The following UBA6 variants were observed in gnomAD, a reference collection of about 807,000 sequenced individuals.
UBA6 encodes ubiquitin-like modifier-activating enzyme 6.
A neutral mutation model predicts 148.3 loss-of-function variants in UBA6; 87 were observed. The observed-to-expected ratio is 0.59, with a 90% CI of 0.49 to 0.70. The LOEUF (loss-of-function observed/expected upper bound fraction) is 0.70, where lower values mean the gene tolerates loss of function less well. Ranked by LOEUF, UBA6 falls within the 30% of genes least tolerant of loss-of-function variation. UBA6 has a pLI of 0.00. For synonymous variants in UBA6, 376 were observed against 401.0 expected (o/e 0.94, Z 0.75); for missense variants, 1,186 against 1,241.2 (o/e 0.96, Z 0.67).
chr4:67,685,793 T>C (rs1376858742), intron 2 of UBA6, among the ~76,000 whole-genome samples: 3 of 152,266 alleles, frequency 2.0e-5, no homozygotes, highest in East Asian at 1.9e-4. Context: ...CCTCTCTTAC[T>C]CTTGCCCTTC....
intron 13 of UBA6, among the ~76,000 whole-genome samples, chr4:67,658,053 G>A (rs542557881): frequency 2.6e-5 from 4 of 152,292 alleles, no homozygotes; most frequent in East Asian, 3.9e-4. Flanking sequence ...AGATGCTGGA[G>A]AGGATGTGGA....
intron 13 of UBA6, among the ~76,000 whole-genome samples, chr4:67,657,729 G>A (rs1364642248): frequency 1.3e-5 from 2 of 149,318 alleles, no homozygotes; most frequent in South Asian, 2.1e-4. Context: ...TATCATCAGA[G>A]TGAACAGCAA....
At chr4:67,646,304 C>G (rs1346709789) in intron 15 of UBA6, among the ~76,000 whole-genome samples, 2 of 152,188 alleles carry the variant, frequency 1.3e-5, no homozygotes, top group East Asian at 1.9e-4. Flanking sequence ...TTAGAGGAAT[C>G]TACGGATGGG....
At position 67,662,192 on chromosome 4, in the gene UBA6, C is replaced by G. The variant is rs751324120; in HGVS notation, c.1101G>C (p.Glu367Asp). Residue 367 changes from glutamate (E) to aspartate (D), a missense_variant, in exon 13 of 33, where the codon GAG (glutamate) becomes GAC (aspartate). Physicochemically the swap from Glu to Asp is conservative, Grantham distance 45 (BLOSUM62 2). Coordinates refer to ENST00000322244, the MANE Select transcript of UBA6 (RefSeq NM_018227.6). ...AGCCATAAATTTCAATAGTCACCTT[C>G]TCTTCCAAGGTTTCACTTATAGATG... Reference protein sequence around the residue: ...LATSISETLEEKPDVNADIVH... With the variant: ...LATSISETLEDKPDVNADIVH... 3 of 1,613,546 alleles carry G rather than the reference C, an allele frequency of 1.9e-6. No homozygotes were observed. Among genetic ancestry groups the G allele is most frequent in the East Asian group, 4.5e-5 (2 of 44,770 alleles).
intron 5 of UBA6, 76 bp downstream of exon 5, chr4:67,678,362 TG>T: frequency 1.2e-6 from 1 of 804,714 alleles, no homozygotes; most frequent in Non-Finnish European, 1.9e-6. Flanking sequence ...TATGACTGAT[TG>T]GTGTTCTAGA....
rs1728592166 is a variant in UBA6 at position 67,614,614 on chromosome 4, C to A, written c.*4383G>T. The A allele has an allele frequency of 6.6e-6, 1 of 152,118 alleles. No individual in the cohort carries two copies. Among genetic ancestry groups the A allele is most frequent in the African/African-American group, 2.4e-5 (1 of 41,422 alleles). The allele number at this position is 152,118 out of a possible 1,614,324, so 9.4% of individuals were successfully genotyped here. ...TTAAATATGAAAGGCAAAACTAAAG[C>A]TTTAAGAAGACGATATATAAGACTA... On this transcript the variant is annotated 3_prime_UTR_variant, in exon 33 of 33. Coordinates refer to ENST00000322244, the MANE Select transcript of UBA6 (RefSeq NM_018227.6).
At chr4:67,675,051 G>A (rs1429115693) in intron 6 of UBA6, among the ~76,000 whole-genome samples, 1 of 152,132 alleles carries the variant, frequency 6.6e-6, no homozygotes, top group African/African-American at 2.4e-5. Context: ...TGTATTTTTA[G>A]TAGAGACGGG....
rs1468164636 is a variant in UBA6, at chr4:67,626,397, T to C, written c.2481A>G (p.Gln827=). The C allele has an allele frequency of 1.2e-6, 2 of 1,611,344 alleles. No individual in the cohort carries two copies. Among genetic ancestry groups the C allele is most frequent in the African/African-American group, 1.3e-5 (1 of 74,948 alleles). ...CATTAGATAAAATAGCCTTTTCTAG[T>C]TGGAAAATTGCATTCCTCTCATCTT... ...SSEDERNAIF[Q]LEKAILSNEA... Residue 827 remains glutamine, a synonymous_variant, in exon 28 of 33, where the codon CAA becomes CAG. Transcript: ENST00000322244.
chr4:67,628,422 T>C (rs980456042), intron 27 of UBA6, among the ~76,000 whole-genome samples: 1 of 151,900 alleles, frequency 6.6e-6, no homozygotes, highest in African/African-American at 2.4e-5. Flanking sequence ...GCTGCCTACA[T>C]TGCTCTTTCA....
rs200051273 is a variant in UBA6, at chr4:67,687,041, T to TG, written c.135-4829_135-4828insC. Among the ~76,000 whole-genome samples the TG allele has an allele frequency of 6.2e-3, 901 of 145,292 alleles. 21 individuals are homozygous for TG. Among genetic ancestry groups the TG allele is most frequent in the African/African-American group, 0.022 (864 of 39,294 alleles). On this transcript the variant is annotated intron_variant, in intron 2 of 32. Coordinates refer to ENST00000322244, the MANE Select transcript of UBA6 (RefSeq NM_018227.6). Reference sequence around the variant, plus strand: ...TAAAATCTTTAAGACTATGTTTTTTTTTTTTTTTTTTTGAGACAGAGTCTC... The same window carrying TG: ...TAAAATCTTTAAGACTATGTTTTTTTGTTTTTTTTTTTTGAGACAGAGTCTC...
At chr4:67,677,335 G>T (rs748789433) in intron 6 of UBA6, among the ~76,000 whole-genome samples, 1 of 152,186 alleles carries the variant, frequency 6.6e-6, no homozygotes, top group Non-Finnish European at 1.5e-5. Flanking sequence ...ACACAGGAAA[G>T]AAATAAATGC....
At chr4:67,675,013 GCACATGC>G (rs1039753580) in intron 6 of UBA6, among the ~76,000 whole-genome samples, 1 of 152,200 alleles carries the variant, frequency 6.6e-6, no homozygotes, top group Non-Finnish European at 1.5e-5. Context: ...GGGATTACAG[GCACATGC>G]CACCATGCCC....
At chr4:67,620,429 GTTA>G (rs1014656105) in intron 32 of UBA6, among the ~76,000 whole-genome samples, 1 of 152,150 alleles carries the variant, frequency 6.6e-6, no homozygotes, top group African/African-American at 2.4e-5. Context: ...CATTATCACA[GTTA>G]TTCAATTATA....
At chr4:67,672,262 CTG>C (rs774968350) in intron 7 of UBA6, among the ~76,000 whole-genome samples, 1 of 152,156 alleles carries the variant, frequency 6.6e-6, no homozygotes, top group Non-Finnish European at 1.5e-5. Flanking sequence ...GAAATTAAAA[CTG>C]AGAGAAATTT....
intron 6 of UBA6, among the ~76,000 whole-genome samples, chr4:67,675,353 T>A (rs1470496924): frequency 6.6e-6 from 1 of 152,216 alleles, no homozygotes; most frequent in African/African-American, 2.4e-5. Context: ...GTATATTATA[T>A]ATTTAATCCC....
At chr4:67,673,858 T>A in intron 6 of UBA6, 81 bp from the exon 7 acceptor site, 1 of 998,780 alleles carries the variant, frequency 1.0e-6, no homozygotes, top group Non-Finnish European at 1.5e-6. Flanking sequence ...GCATGTCAGT[T>A]TGCGTTGTGC....
chr4:67,681,938 T>C (rs1361309152), intron 3 of UBA6, among the ~76,000 whole-genome samples, 181 bp downstream of exon 3: 1 of 152,242 alleles, frequency 6.6e-6, no homozygotes. Context: ...TGAGTCATTA[T>C]TGGTTCTTTG....
chr4:67,631,678 G>T (rs1729000137), intron 25 of UBA6, 30 bp downstream of exon 25: 1 of 1,492,184 alleles, frequency 6.7e-7, no homozygotes. Flanking sequence ...ATATAATGAA[G>T]GATACATAAA....
At chr4:67,698,857 G>A (rs912476863) in intron 1 of UBA6, among the ~76,000 whole-genome samples, 2 of 151,872 alleles carry the variant, frequency 1.3e-5, no homozygotes, top group African/African-American at 2.4e-5. Flanking sequence ...CTACTTGGGA[G>A]GCTGAGGTGG....
Sources: gnomAD v4.1 joint callset for allele counts (sites outside exome capture counted in the v4.1 genomes callset) on GRCh38, gnomAD v4.1.1 for gene constraint, MANE v1.5 for transcripts, NCBI Gene and HGNC (gene_info 2026-07-23, HGNC 2026-07-21) for gene names.